FHIT: variants seen among roughly 807,000 people sequenced by gnomAD.
The protein encoded by FHIT is fragile histidine triad diadenosine triphosphatase.
A neutral mutation model predicts 17.9 loss-of-function variants in FHIT; 19 were observed. The observed-to-expected ratio is 1.06, with a 90% confidence interval of 0.74 to 1.56. The LOEUF is 1.56. Among genes scored for constraint, FHIT ranks in the 40% most tolerant of loss-of-function variants. FHIT has a pLI of 0.00. For synonymous variants in FHIT, 81 were observed against 69.7 expected (o/e 1.16, Z -0.81); for missense variants, 248 against 189.2 (o/e 1.31, Z -1.82).
At chr3:60,851,903 A>G (rs1242790961) in intron 3 of FHIT, among the ~76,000 whole-genome samples, 1 of 152,140 alleles carries the variant, frequency 6.6e-6, no homozygotes, top group Non-Finnish European at 1.5e-5. Context: ...ATCCTGAAAA[A>G]AGAAAAAAAG....
chr3:60,504,108 C>G (rs914340465), intron 5 of FHIT, among the ~76,000 whole-genome samples: 1 of 152,128 alleles, frequency 6.6e-6, no homozygotes, highest in Non-Finnish European at 1.5e-5. Flanking sequence ...AAGCATCCAA[C>G]CATATTGATA....
At chr3:60,576,469 A>G (rs1034899451) in intron 4 of FHIT, among the ~76,000 whole-genome samples, 1 of 152,162 alleles carries the variant, frequency 6.6e-6, no homozygotes, top group East Asian at 1.9e-4. Flanking sequence ...ACACGTAATG[A>G]TAAAACAGTT....
intron 3 of FHIT, among the ~76,000 whole-genome samples, chr3:60,962,423 TC>T (rs1268354776): frequency 6.6e-6 from 1 of 152,204 alleles, no homozygotes; most frequent in Non-Finnish European, 1.5e-5. Flanking sequence ...ACACTTTATT[TC>T]TTTCTCTTGC....
chr3:60,268,231 C>T (rs1706684825), intron 5 of FHIT, among the ~76,000 whole-genome samples: 2 of 152,166 alleles, frequency 1.3e-5, no homozygotes, highest in Admixed American at 1.3e-4. Flanking sequence ...GCTGAATAAT[C>T]TCTATCTCCT....
intron 5 of FHIT, among the ~76,000 whole-genome samples, chr3:60,443,511 T>C (rs2031080523): frequency 2.0e-5 from 3 of 152,172 alleles, no homozygotes; most frequent in Admixed American, 2.0e-4. Context: ...AAAGGCCTTT[T>C]CTGCATGTAT....
At chr3:60,293,583 T>C (rs1708080824) in intron 5 of FHIT, among the ~76,000 whole-genome samples, 1 of 152,114 alleles carries the variant, frequency 6.6e-6, no homozygotes, top group Admixed American at 6.6e-5. Context: ...CACAGTATTA[T>C]AGGGCATAGG....
At chr3:60,786,803 AGAAT>A (rs781819888) in intron 4 of FHIT, among the ~76,000 whole-genome samples, 1 of 152,184 alleles carries the variant, frequency 6.6e-6, no homozygotes, top group Non-Finnish European at 1.5e-5. Flanking sequence ...TTGTGAATGA[AGAAT>A]GAATGAATGA....
At chr3:60,341,383 C>T (rs1018328342) in intron 5 of FHIT, among the ~76,000 whole-genome samples, 1 of 152,170 alleles carries the variant, frequency 6.6e-6, no homozygotes, top group Non-Finnish European at 1.5e-5. Context: ...TTCAAATAAG[C>T]ACTGCATTTA....
At chr3:60,760,034 A>G (rs1484219928) in intron 4 of FHIT, among the ~76,000 whole-genome samples, 1 of 116,728 alleles carries the variant, frequency 8.6e-6, no homozygotes, top group East Asian at 2.4e-4. Flanking sequence ...TACTCTCTTT[A>G]TTTCTTTTCT....
At chr3:59,899,961 G>A (rs1437341382) in intron 8 of FHIT, among the ~76,000 whole-genome samples, 12 of 152,226 alleles carry the variant, frequency 7.9e-5, no homozygotes, top group Admixed American at 7.9e-4. Context: ...GGCTTTGCCG[G>A]CCATAGGTAA....
At chr3:60,751,682 A>G (rs1410912656) in intron 4 of FHIT, among the ~76,000 whole-genome samples, 4 of 152,228 alleles carry the variant, frequency 2.6e-5, no homozygotes, top group African/African-American at 9.6e-5. Flanking sequence ...ATAAGTAGAA[A>G]TCAGTATCTC....
intron 7 of FHIT, among the ~76,000 whole-genome samples, chr3:59,934,206 T>C (rs79981951): frequency 0.01 from 1,584 of 152,292 alleles, 34 homozygotes; most frequent in African/African-American, 0.036. Flanking sequence ...AACTGCATGA[T>C]AGATATAATC....
intron 4 of FHIT, among the ~76,000 whole-genome samples, chr3:60,765,996 G>A (rs1222281098): frequency 1.3e-5 from 2 of 152,248 alleles, no homozygotes; most frequent in South Asian, 2.1e-4. Flanking sequence ...TCTGAAGCCT[G>A]CACTGTCAGC....
At chr3:59,882,181 CT>C (rs1703435716) in intron 8 of FHIT, among the ~76,000 whole-genome samples, 1 of 150,536 alleles carries the variant, frequency 6.6e-6, no homozygotes, top group Admixed American at 6.6e-5. Context: ...AAACACACTG[CT>C]GGTAGGAAAT....
At chr3:60,170,514 C>T (rs753294815) in intron 5 of FHIT, among the ~76,000 whole-genome samples, 1 of 152,054 alleles carries the variant, frequency 6.6e-6, no homozygotes, top group Non-Finnish European at 1.5e-5. Context: ...ACCAAATGGA[C>T]CATGTTTTGC....
intron 8 of FHIT, among the ~76,000 whole-genome samples, chr3:59,876,116 C>T (rs544567225): frequency 2.6e-5 from 4 of 151,890 alleles, no homozygotes; most frequent in African/African-American, 7.2e-5. Context: ...GTTTCATATG[C>T]CTGTATTTAA....
chr3:59,779,271 G>A (rs1048314868), intron 8 of FHIT, among the ~76,000 whole-genome samples: 5 of 152,118 alleles, frequency 3.3e-5, no homozygotes, highest in African/African-American at 4.8e-5. Context: ...GATCAGAAAC[G>A]TATATATTGT....
At chr3:60,127,206 C>T (rs1464593739) in intron 5 of FHIT, among the ~76,000 whole-genome samples, 1 of 152,094 alleles carries the variant, frequency 6.6e-6, no homozygotes, top group African/African-American at 2.4e-5. Flanking sequence ...TAAAATAGAC[C>T]CCAACCCAGG....
At chr3:60,447,738 C>T (rs2031441623) in intron 5 of FHIT, among the ~76,000 whole-genome samples, 1 of 152,286 alleles carries the variant, frequency 6.6e-6, no homozygotes, top group Admixed American at 6.5e-5. Context: ...CAGAATACCA[C>T]TCCTGCAGCT....
Sources: allele counts gnomAD v4.1 joint callset (sites outside exome capture counted in the v4.1 genomes callset), GRCh38; gene constraint gnomAD v4.1.1; transcripts MANE v1.5; gene names NCBI Gene and HGNC (gene_info 2026-07-23, HGNC 2026-07-21).